Variants in GALNTL6 observed in about 807,000 individuals in gnomAD.
The protein encoded by GALNTL6 is polypeptide N-acetylgalactosaminyltransferase-like 6.
In GALNTL6, 46 loss-of-function variants were observed where a neutral mutation model predicts 73.7. The ratio of observed to expected loss-of-function variants is 0.62; its 90% CI spans 0.49 to 0.80. The LOEUF (loss-of-function observed/expected upper bound fraction) is 0.80. Among genes scored for constraint, GALNTL6 ranks in the 30% least tolerant of loss-of-function variants. The pLI is 0.00. For synonymous variants in GALNTL6, 259 were observed against 263.7 expected, an observed-to-expected ratio of 0.98 and a Z score of 0.17; for missense variants, 604 against 755.0, an observed-to-expected ratio of 0.80 and a Z score of 2.34.
intron 2 of GALNTL6, among the ~76,000 whole-genome samples, chr4:171,851,656 G>T (rs893090354): frequency 6.6e-6 from 1 of 152,114 alleles, no homozygotes; most frequent in Non-Finnish European, 1.5e-5. Context: ...AGAAAAAAAT[G>T]TTATCTTTTT....
chr4:172,683,430 C>T (rs1472154244), intron 5 of GALNTL6, among the ~76,000 whole-genome samples: 13 of 152,180 alleles, frequency 8.5e-5, no homozygotes. Context: ...TCCAATATAA[C>T]TATTTTACTT....
At chr4:171,974,166 A>AC (rs1739650155) in intron 2 of GALNTL6, among the ~76,000 whole-genome samples, 1 of 149,144 alleles carries the variant, frequency 6.7e-6, no homozygotes, top group African/African-American at 2.5e-5. Flanking sequence ...CACCCAGCTA[A>AC]CCTTTTTTTT....
At chr4:172,255,600 CT>C (rs1395973351) in intron 3 of GALNTL6, among the ~76,000 whole-genome samples, 1 of 151,192 alleles carries the variant, frequency 6.6e-6, no homozygotes, top group Non-Finnish European at 1.5e-5. Flanking sequence ...CTTATTTCTA[CT>C]CTCAATAAAT....
chr4:172,961,871 T>TC (rs1307637959), intron 10 of GALNTL6, among the ~76,000 whole-genome samples: 4 of 151,798 alleles, frequency 2.6e-5, no homozygotes, highest in African/African-American at 4.8e-5. Flanking sequence ...CCAAGGGAGG[T>TC]CCCCCGATCT....
At chr4:172,585,342 A>G (rs1178487209) in intron 5 of GALNTL6, among the ~76,000 whole-genome samples, 1 of 152,036 alleles carries the variant, frequency 6.6e-6, no homozygotes, top group Non-Finnish European at 1.5e-5. Flanking sequence ...GCACCTATCA[A>G]CCTGTCATCT....
At position 171,989,818 on chromosome 4, in the gene GALNTL6, C is replaced by T. The variant is rs1348650858; in HGVS notation, c.138+175100C>T. 3.9e-5 allele frequency among the ~76,000 whole-genome samples: 6 copies of T among 152,236 alleles called. No homozygotes were observed. The South Asian group carries it at 1.0e-3, about 26-fold the overall frequency. On this transcript the variant is annotated intron_variant, in intron 2 of 12. Coordinates refer to ENST00000506823, the MANE Select transcript of GALNTL6 (RefSeq NM_001034845.3). Reference sequence around the variant, plus strand: ...CCTTTTAAGGTCTAGGGCTGTAAAGCATCTCAGGGTTGCTGCCGAACGAGC... The same window carrying T: ...CCTTTTAAGGTCTAGGGCTGTAAAGTATCTCAGGGTTGCTGCCGAACGAGC...
chr4:172,642,110 C>T (rs749681486), intron 5 of GALNTL6, among the ~76,000 whole-genome samples: 25 of 151,864 alleles, frequency 1.6e-4, no homozygotes, highest in Non-Finnish European at 3.4e-4. Context: ...AAAGGGGACC[C>T]TTGAATACTG....
At chr4:172,775,164 A>G (rs1010163274) in intron 5 of GALNTL6, among the ~76,000 whole-genome samples, 14 of 152,124 alleles carry the variant, frequency 9.2e-5, no homozygotes, top group Admixed American at 3.3e-4. Context: ...AAATTCAGCA[A>G]GTATAGTTGT....
At chr4:172,385,452 T>C (rs1743431329) in intron 5 of GALNTL6, among the ~76,000 whole-genome samples, 1 of 152,100 alleles carries the variant, frequency 6.6e-6, no homozygotes, top group Admixed American at 6.5e-5. Flanking sequence ...ACTTTGAGAC[T>C]TTTTCCTGTG....
intron 4 of GALNTL6, among the ~76,000 whole-genome samples, chr4:172,314,207 A>G (rs1264262117): frequency 2.6e-5 from 4 of 152,232 alleles, no homozygotes; most frequent in African/African-American, 7.2e-5. Flanking sequence ...GACACAATCT[A>G]TAGAATAGAA....
At chr4:172,464,158 C>T (rs184737778) in intron 5 of GALNTL6, among the ~76,000 whole-genome samples, 2 of 152,074 alleles carry the variant, frequency 1.3e-5, no homozygotes, top group Non-Finnish European at 2.9e-5. Flanking sequence ...ACCTTGGTCT[C>T]CCAAAGCGTT....
At chr4:172,709,628 G>T (rs1372130016) in intron 5 of GALNTL6, among the ~76,000 whole-genome samples, 1 of 152,092 alleles carries the variant, frequency 6.6e-6, no homozygotes, top group African/African-American at 2.4e-5. Context: ...AACCCAGACA[G>T]CTCCCCTGCC....
intron 6 of GALNTL6, among the ~76,000 whole-genome samples, chr4:172,812,783 A>G (rs982479452): frequency 7.2e-5 from 11 of 152,212 alleles, no homozygotes; most frequent in African/African-American, 2.4e-4. Flanking sequence ...TCGTACATAA[A>G]TTGGGGATGA....
chr4:172,627,790 A>G (rs1739224880), intron 5 of GALNTL6, among the ~76,000 whole-genome samples: 1 of 151,964 alleles, frequency 6.6e-6, no homozygotes, highest in Non-Finnish European at 1.5e-5. Flanking sequence ...TCATGTGCAT[A>G]CAGGAGTTCT....
intron 4 of GALNTL6, among the ~76,000 whole-genome samples, chr4:172,324,245 A>G (rs1401978012): frequency 6.6e-6 from 1 of 151,988 alleles, no homozygotes; most frequent in East Asian, 1.9e-4. Context: ...ATTATCAGGT[A>G]AAGTACGTTG....
rs754531519 is a variant in GALNTL6 at position 172,813,726 on chromosome 4, G to A, written c.923+3G>A. On this transcript the variant is annotated splice_donor_region_variant and intron_variant, in intron 7 of 12. Coordinates refer to ENST00000506823, the MANE Select transcript of GALNTL6 (RefSeq NM_001034845.3). ...GCAGATCCCAGCGACCCTTTTGAGT[G>A]AGTAGCAGCCAAGGGAGGGGCCGAG... The A allele has an allele frequency of 6.3e-7, 1 of 1,589,292 alleles. No individual in the cohort carries two copies. Among genetic ancestry groups the A allele is most frequent in the Non-Finnish European group, 8.6e-7 (1 of 1,160,690 alleles).
intron 2 of GALNTL6, among the ~76,000 whole-genome samples, chr4:172,155,659 G>A (rs905882265): frequency 6.6e-6 from 1 of 152,124 alleles, no homozygotes; most frequent in African/African-American, 2.4e-5. Flanking sequence ...GAATGTTTAA[G>A]TATATTTTAA....
chr4:172,795,801 C>T (rs1290145320), intron 5 of GALNTL6, among the ~76,000 whole-genome samples: 4 of 151,922 alleles, frequency 2.6e-5, no homozygotes, highest in Non-Finnish European at 5.9e-5. Context: ...CCAGGAGTAT[C>T]TCCTAAAGAA....
At chr4:172,054,065 T>C (rs1730952458) in intron 2 of GALNTL6, among the ~76,000 whole-genome samples, 1 of 152,086 alleles carries the variant, frequency 6.6e-6, no homozygotes, top group Admixed American at 6.6e-5. Flanking sequence ...TGTTGGCTTC[T>C]AGAGTCCAGG....
Sources: gnomAD v4.1 joint callset for allele counts (sites outside exome capture counted in the v4.1 genomes callset) on GRCh38, gnomAD v4.1.1 for gene constraint, MANE v1.5 for transcripts, NCBI Gene and HGNC (gene_info 2026-07-23, HGNC 2026-07-21) for gene names.